PRKN: variants seen among roughly 807,000 people sequenced by gnomAD.
PRKN encodes the protein parkin RBR E3 ubiquitin protein ligase.
Under a neutral mutation model 59.5 loss-of-function variants are expected in PRKN, and 56 were observed. That is an observed-to-expected ratio of 0.94 (90% CI 0.76 to 1.18). PRKN has a LOEUF of 1.18. Among genes scored for constraint, PRKN ranks in the 50% most tolerant of loss-of-function variants. The pLI, the probability that PRKN is intolerant of heterozygous loss-of-function variation, is 0.00. For synonymous variants in PRKN, 250 were observed against 222.1 expected (o/e 1.13, Z -1.12); for missense variants, 657 against 596.4 (o/e 1.10, Z -1.06).
intron 1 of PRKN, among the ~76,000 whole-genome samples, chr6:162,655,450 T>C (rs966399784): frequency 6.6e-6 from 1 of 152,174 alleles, no homozygotes; most frequent in African/African-American, 2.4e-5. Context: ...TAAGCGTATA[T>C]ACAAAGAGAG....
intron 9 of PRKN, among the ~76,000 whole-genome samples, chr6:161,450,883 C>A (rs1007171825): frequency 6.6e-6 from 1 of 152,096 alleles, no homozygotes; most frequent in African/African-American, 2.4e-5. Flanking sequence ...AAAATTATTC[C>A]AAAATAAATA....
At chr6:161,726,497 T>A (rs1787446520) in intron 7 of PRKN, among the ~76,000 whole-genome samples, 2 of 152,224 alleles carry the variant, frequency 1.3e-5, no homozygotes, top group Admixed American at 6.5e-5. Context: ...GAGTGATCCA[T>A]GGAGTCATCT....
chr6:161,517,133 T>A (rs1030448152), intron 9 of PRKN, among the ~76,000 whole-genome samples: 2 of 152,160 alleles, frequency 1.3e-5, no homozygotes, highest in African/African-American at 2.4e-5. Flanking sequence ...ATCAGCAACA[T>A]GGAAGCAAAA....
At chr6:161,790,188 AGG>A (rs1790583329) in intron 6 of PRKN, among the ~76,000 whole-genome samples, 1 of 152,166 alleles carries the variant, frequency 6.6e-6, no homozygotes, top group Non-Finnish European at 1.5e-5. Context: ...AAGAAACGGG[AGG>A]ATTGATGTTT....
intron 4 of PRKN, among the ~76,000 whole-genome samples, chr6:162,112,050 CA>C (rs1482539510): frequency 6.6e-6 from 1 of 152,206 alleles, no homozygotes; most frequent in African/African-American, 2.4e-5. Flanking sequence ...ATTTTTAAGC[CA>C]AATTGTTTAT....
intron 6 of PRKN, among the ~76,000 whole-genome samples, chr6:161,794,200 A>G (rs1486763977): frequency 6.6e-6 from 1 of 152,206 alleles, no homozygotes; most frequent in Non-Finnish European, 1.5e-5. Flanking sequence ...AGGAAATAGA[A>G]AAGTTTCAAG....
intron 9 of PRKN, among the ~76,000 whole-genome samples, chr6:161,469,541 AAGAGAAAG>A (rs1465381417): frequency 7.1e-6 from 1 of 141,404 alleles, no homozygotes; most frequent in Non-Finnish European, 1.5e-5. Context: ...TCCAGTGAAC[AAGAGAAAG>A]AGAGAGAGAG....
At chr6:162,146,498 T>TTA (rs1483709787) in intron 4 of PRKN, among the ~76,000 whole-genome samples, 6 of 150,620 alleles carry the variant, frequency 4.0e-5, no homozygotes, top group South Asian at 2.1e-4. Flanking sequence ...TATATACACA[T>TTA]TATATATATA....
At chr6:162,653,255 G>A (rs1778512151) in intron 1 of PRKN, among the ~76,000 whole-genome samples, 1 of 152,174 alleles carries the variant, frequency 6.6e-6, no homozygotes, top group Non-Finnish European at 1.5e-5. Flanking sequence ...CTTCTTGAAA[G>A]CATTTGCTAA....
intron 1 of PRKN, among the ~76,000 whole-genome samples, chr6:162,634,049 C>T (rs1054660050): frequency 6.6e-6 from 1 of 152,074 alleles, no homozygotes; most frequent in African/African-American, 2.4e-5. Context: ...CAAAAGGGCT[C>T]CAGTGGGGAT....
chr6:161,705,041 C>G (rs1249601187), intron 7 of PRKN, among the ~76,000 whole-genome samples: 2 of 152,144 alleles, frequency 1.3e-5, no homozygotes, highest in African/African-American at 4.8e-5. Context: ...GCATGCAACA[C>G]AGGATGGAAT....
intron 2 of PRKN, among the ~76,000 whole-genome samples, chr6:162,349,276 T>C (rs1784528181): frequency 2.0e-5 from 3 of 152,228 alleles, no homozygotes; most frequent in South Asian, 4.1e-4. Context: ...AAGACCAGCC[T>C]GGCCAATATG....
intron 4 of PRKN, among the ~76,000 whole-genome samples, chr6:162,100,183 T>C (rs1045108503): frequency 1.3e-5 from 2 of 152,208 alleles, no homozygotes; most frequent in Non-Finnish European, 2.9e-5. Flanking sequence ...CATCAGTCAA[T>C]GGACACTTAG....
In PRKN at chr6:161,985,814, C is replaced by T. The variant is rs1488543193; in HGVS notation, c.619-12397G>A. 2.6e-5 allele frequency among the ~76,000 whole-genome samples: 4 copies of T among 152,272 alleles called. No homozygotes were observed. In the East Asian group the frequency reaches 5.8e-4, roughly 22 times the overall value. The stretch of plus-strand genomic sequence containing the variant: ...TCTCCCTTGGCCTGCCATGGAGACC[C>T]TTTGAGGAGGGGCTGGACTTCCCCC... On this transcript the variant is annotated intron_variant, in intron 5 of 11. Transcript: ENST00000366898.
intron 4 of PRKN, among the ~76,000 whole-genome samples, chr6:162,091,381 A>G (rs1311206365): frequency 2.0e-5 from 3 of 152,184 alleles, no homozygotes; most frequent in Admixed American, 2.0e-4. Context: ...CATTTGGTTT[A>G]AAGAGGCTTT....
chr6:162,268,486 T>C (rs1326948522), intron 2 of PRKN, among the ~76,000 whole-genome samples: 1 of 152,202 alleles, frequency 6.6e-6, no homozygotes, highest in Non-Finnish European at 1.5e-5. Flanking sequence ...CAGTCTCAGG[T>C]ATTTTGTTAT....
chr6:162,509,657 A>G (rs919393649), intron 1 of PRKN, among the ~76,000 whole-genome samples: 19 of 152,200 alleles, frequency 1.2e-4, no homozygotes, highest in African/African-American at 4.6e-4. Context: ...TTACAGAGAT[A>G]GCAAATGTCT....
chr6:161,516,493 AGAAGAAG>A (rs1291178296), intron 9 of PRKN, among the ~76,000 whole-genome samples: 3 of 22,336 alleles, frequency 1.3e-4, no homozygotes, highest in Non-Finnish European at 1.9e-4. Context: ...AAAAAAAAAA[AGAAGAAG>A]AAGAAAGAAG....
rs1393843078 is a variant in PRKN, at chr6:161,413,952, G to A, written c.1084-27075C>T. ...ACTGTGGAAAGGGAAGCGAGGCAGA[G>A]GTGGCAGAAAGAGATGATAACTCCA... On this transcript the variant is annotated intron_variant, in intron 9 of 11. Transcript: ENST00000366898. The surrounding 1 kb of genome is among the most constrained non-coding windows in gnomAD (Gnocchi z 4.4). 6.6e-6 allele frequency among the ~76,000 whole-genome samples: 1 copy of A among 152,122 alleles called. No individual in the cohort carries two copies. The highest frequency in any genetic ancestry group is 2.4e-5 in the African/African-American group (1 of 41,420).
Sources: allele counts gnomAD v4.1 joint callset (sites outside exome capture counted in the v4.1 genomes callset), GRCh38; gene constraint gnomAD v4.1.1; non-coding constraint Gnocchi (gnomAD v3.1); transcripts MANE v1.5; gene names NCBI Gene and HGNC (gene_info 2026-07-23, HGNC 2026-07-21).